Variants in SYNGR1 observed in about 807,000 individuals in gnomAD.
SYNGR1 encodes synaptogyrin 1.
SYNGR1 carries 14 observed loss-of-function variants against 26.1 expected under a neutral mutation model. The observed-to-expected ratio is 0.54, with a 90% CI of 0.35 to 0.84. The LOEUF (loss-of-function observed/expected upper bound fraction) is 0.84, where lower values mean the gene tolerates loss of function less well. Ranked by LOEUF, SYNGR1 falls within the 40% of genes least tolerant of loss-of-function variation. The pLI is 0.01. For missense variants in SYNGR1, 319 were observed against 332.9 expected, an observed-to-expected ratio of 0.96 and a Z score of 0.33; for synonymous variants, 141 against 150.1, an observed-to-expected ratio of 0.94 and a Z score of 0.44.
chr22:39,359,186 G>A (rs1266833474), intron 1 of SYNGR1, among the ~76,000 whole-genome samples: 1 of 152,160 alleles, frequency 6.6e-6, no homozygotes, highest in Non-Finnish European at 1.5e-5. Context: ...CCTCTGCTGG[G>A]TGTAGAGGTC....
intron 1 of SYNGR1, among the ~76,000 whole-genome samples, chr22:39,357,930 C>A (rs953164904): frequency 6.6e-6 from 1 of 152,250 alleles, no homozygotes; most frequent in Non-Finnish European, 1.5e-5. Flanking sequence ...ATGAGCACCA[C>A]CCCCTGCTCC....
intron 3 of SYNGR1, 34 bp from the exon 4 acceptor site, chr22:39,381,662 G>A (rs374378155): frequency 5.0e-6 from 8 of 1,611,112 alleles, no homozygotes; most frequent in East Asian, 2.2e-5. Context: ...ACCCCCTCCC[G>A]CCTGTCCTTG....
intron 1 of SYNGR1, among the ~76,000 whole-genome samples, chr22:39,363,421 G>T (rs1236626899): frequency 2.0e-5 from 3 of 152,044 alleles, no homozygotes; most frequent in Non-Finnish European, 4.4e-5. Context: ...GCCCCAGGGT[G>T]GAGGGACTTG....
intron 1 of SYNGR1, among the ~76,000 whole-genome samples, chr22:39,362,839 C>T (rs5757638): frequency 1.3e-5 from 2 of 152,066 alleles, no homozygotes; most frequent in South Asian, 2.1e-4. Flanking sequence ...TGCTGCCTGG[C>T]CCTCTCTGAC....
chr22:39,362,824 C>A (rs1409678236), intron 1 of SYNGR1, among the ~76,000 whole-genome samples: 1 of 152,074 alleles, frequency 6.6e-6, no homozygotes, highest in African/African-American at 2.4e-5. Context: ...CCTTTCTACC[C>A]CCCGTGCTGC....
intron 1 of SYNGR1, among the ~76,000 whole-genome samples, chr22:39,358,407 C>G (rs533742376): frequency 1.2e-4 from 18 of 152,328 alleles, no homozygotes; most frequent in African/African-American, 4.3e-4. Context: ...TGCTCAGTTC[C>G]AAAGCTTTGT....
In SYNGR1 at chr22:39,381,923, G is replaced by A. The variant is rs1218148108; in HGVS notation, c.*9G>A. On this transcript the variant is annotated 3_prime_UTR_variant, in exon 4 of 4. Coordinates refer to ENST00000328933, the MANE Select transcript of SYNGR1 (RefSeq NM_004711.5). ...AGTCGCAGGGCTACTGAGCCACAGT[G>A]ACCGCCTGCCCCCGCCCCTCCCCAT... The A allele has an allele frequency of 6.3e-7, 1 of 1,597,308 alleles. No homozygotes were observed. The highest frequency in any genetic ancestry group is 8.5e-7 in the Non-Finnish European group (1 of 1,172,594).
chr22:39,359,684 T>C (rs2413589), intron 1 of SYNGR1, among the ~76,000 whole-genome samples: 115,000 of 147,094 alleles, frequency 0.78, 45,091 homozygotes, highest in East Asian at 1. Flanking sequence ...TTGGTGTCAG[T>C]CCTCTCCAGC....
At chr22:39,377,214 A>T in intron 3 of SYNGR1, 1 of 1,435,576 alleles carries the variant, frequency 7.0e-7, no homozygotes, top group Non-Finnish European at 9.1e-7. Context: ...TTTCTTTTTG[A>T]GGGCCCCTGG....
intron 1 of SYNGR1, among the ~76,000 whole-genome samples, chr22:39,366,318 G>A (rs865992468): frequency 4.0e-5 from 6 of 151,562 alleles, no homozygotes; most frequent in Admixed American, 2.6e-4. Context: ...TCCCTACGTC[G>A]GCTGTGTCTG....
intron 1 of SYNGR1, among the ~76,000 whole-genome samples, chr22:39,359,723 G>A (rs1283540063): frequency 1.3e-5 from 2 of 151,298 alleles, no homozygotes; most frequent in East Asian, 3.9e-4. Context: ...CTGGTCATTG[G>A]AGTGTCTATT....
chr22:39,369,072 C>T (rs115180573), intron 1 of SYNGR1, among the ~76,000 whole-genome samples: 2,965 of 152,300 alleles, frequency 0.019, 63 homozygotes, highest in African/African-American at 0.046. Context: ...TTTGAATTGG[C>T]GGGTCTGTAT....
At chr22:39,358,498 G>C (rs564172018) in intron 1 of SYNGR1, among the ~76,000 whole-genome samples, 1 of 152,110 alleles carries the variant, frequency 6.6e-6, no homozygotes, top group South Asian at 2.1e-4. Flanking sequence ...CACTCACCGC[G>C]AAGGTCTGCA....
At chr22:39,373,163 A>T (rs1268607759) in intron 1 of SYNGR1, among the ~76,000 whole-genome samples, 1 of 151,046 alleles carries the variant, frequency 6.6e-6, no homozygotes, top group Non-Finnish European at 1.5e-5. Flanking sequence ...ACACACACAC[A>T]CACATAGATA....
intron 1 of SYNGR1, among the ~76,000 whole-genome samples, chr22:39,360,692 G>A (rs1307038642): frequency 2.0e-5 from 3 of 152,172 alleles, no homozygotes; most frequent in South Asian, 2.1e-4. Flanking sequence ...CAGTCTAGTG[G>A]AGGGAAATGT....
chr22:39,381,926 C>A lies in SYNGR1; in HGVS notation c.*12C>A. ...CGCAGGGCTACTGAGCCACAGTGAC[C>A]GCCTGCCCCCGCCCCTCCCCATCTG... On this transcript the variant is annotated 3_prime_UTR_variant, in exon 4 of 4. Transcript: ENST00000328933. 6.3e-7 allele frequency: 1 copy of A among 1,584,032 alleles called. No individual in the cohort carries two copies. The highest frequency in any genetic ancestry group is 8.6e-7 in the Non-Finnish European group (1 of 1,165,848).
At chr22:39,370,713 G>C (rs1924979909) in intron 1 of SYNGR1, among the ~76,000 whole-genome samples, 1 of 151,670 alleles carries the variant, frequency 6.6e-6, no homozygotes, top group Non-Finnish European at 1.5e-5. Context: ...CACCTCCCAG[G>C]TTCAAGCCAT....
intron 1 of SYNGR1, among the ~76,000 whole-genome samples, chr22:39,370,541 CTT>C (rs1194982761): frequency 2.0e-5 from 3 of 152,024 alleles, no homozygotes; most frequent in Non-Finnish European, 4.4e-5. Flanking sequence ...ATGTACCACA[CTT>C]TGTGTCCCCA....
intron 1 of SYNGR1, among the ~76,000 whole-genome samples, chr22:39,368,656 G>A (rs973726546): frequency 3.3e-5 from 5 of 152,170 alleles, no homozygotes; most frequent in African/African-American, 1.2e-4. Context: ...AGTCTTAATG[G>A]TTCCTCCTCT....
Sources: gnomAD v4.1 joint callset for allele counts (sites outside exome capture counted in the v4.1 genomes callset) on GRCh38, gnomAD v4.1.1 for gene constraint, MANE v1.5 for transcripts, NCBI Gene and HGNC (gene_info 2026-07-23, HGNC 2026-07-21) for gene names.